Variants in PRSS12 observed in about 807,000 individuals in gnomAD.
The protein encoded by PRSS12 is serine protease 12.
A neutral mutation model predicts 104.4 loss-of-function variants in PRSS12; 85 were observed. The observed-to-expected ratio is 0.81, with a 90% CI of 0.68 to 0.98. PRSS12 has a LOEUF of 0.98. Among genes scored for constraint, PRSS12 ranks in the 50% least tolerant of loss-of-function variants. PRSS12 has a pLI of 0.00. For synonymous variants in PRSS12, 454 were observed against 425.2 expected (o/e 1.07, Z -0.83); for missense variants, 1,141 against 1,139.2 (o/e 1.00, Z -0.02).
chr4:118,310,329 C>T (rs963418195), intron 7 of PRSS12, among the ~76,000 whole-genome samples: 5 of 152,140 alleles, frequency 3.3e-5, no homozygotes, highest in Non-Finnish European at 7.4e-5. Flanking sequence ...TTTACAGGCA[C>T]ATTTTCATAT....
At chr4:118,308,863 A>G (rs1743628290) in intron 7 of PRSS12, among the ~76,000 whole-genome samples, 1 of 152,178 alleles carries the variant, frequency 6.6e-6, no homozygotes, top group African/African-American at 2.4e-5. Flanking sequence ...GAATGAATGA[A>G]CAGCATTATA....
intron 8 of PRSS12, among the ~76,000 whole-genome samples, chr4:118,305,073 C>G (rs996624913): frequency 6.6e-6 from 1 of 150,378 alleles, no homozygotes; most frequent in South Asian, 2.1e-4. Context: ...AAAAGATCCT[C>G]GGCACTAGTC....
intron 8 of PRSS12, 38 bp from the exon 9 acceptor site, chr4:118,298,976 T>A (rs760652602): frequency 3.1e-6 from 5 of 1,593,688 alleles, no homozygotes; most frequent in Middle Eastern, 1.7e-4. Flanking sequence ...GAAGAATCAG[T>A]CAGTCATATA....
intron 4 of PRSS12, among the ~76,000 whole-genome samples, chr4:118,320,169 T>C (rs958816136): frequency 6.6e-6 from 1 of 152,180 alleles, no homozygotes; most frequent in African/African-American, 2.4e-5. Context: ...TTTTAGACTA[T>C]AGCATTTATA....
intron 9 of PRSS12, 134 bp from the exon 10 acceptor site, chr4:118,295,990 T>A: frequency 1.3e-6 from 1 of 789,560 alleles, no homozygotes; most frequent in Non-Finnish European, 2.2e-6. Flanking sequence ...ATTTTTCTTG[T>A]AACAAAAATA....
Position 118,281,655 on chromosome 4 carries a change from ATGATTT to A in PRSS12, c.*275_*280del. The stretch of plus-strand genomic sequence containing the variant: ...TGATCTTTTGTAAAATCAGCATAGA[ATGATTT>A]TGAGAAATAGGTAGGGGATAGATGA... On this transcript the variant is annotated 3_prime_UTR_variant, in exon 13 of 13. Coordinates refer to ENST00000296498, the MANE Select transcript of PRSS12 (RefSeq NM_003619.4). 1 of 470,534 alleles carries A rather than the reference ATGATTT, an allele frequency of 2.1e-6. No homozygotes were observed. Among genetic ancestry groups the A allele is most frequent in the Non-Finnish European group, 3.9e-6 (1 of 256,926 alleles). The allele number at this position is 470,534 out of a possible 1,614,324, so 29.1% of individuals were successfully genotyped here.
At chr4:118,331,605 T>G in intron 4 of PRSS12, 111 bp downstream of exon 4, 1 of 1,410,548 alleles carries the variant, frequency 7.1e-7, no homozygotes, top group Non-Finnish European at 9.8e-7. Flanking sequence ...AAAAGGTAAC[T>G]TGTCCCATTT....
chr4:118,309,193 A>G (rs1743640243), intron 7 of PRSS12, among the ~76,000 whole-genome samples: 1 of 152,230 alleles, frequency 6.6e-6, no homozygotes, highest in South Asian at 2.1e-4. Flanking sequence ...TTACTGAGTT[A>G]AAAGTTGAGA....
intron 7 of PRSS12, among the ~76,000 whole-genome samples, chr4:118,312,140 A>G (rs1406864536): frequency 2.0e-5 from 3 of 152,216 alleles, no homozygotes; most frequent in African/African-American, 7.2e-5. Flanking sequence ...AGTGTCACCA[A>G]GCTCTCACAG....
intron 11 of PRSS12, among the ~76,000 whole-genome samples, chr4:118,287,397 G>A (rs2126026261): frequency 6.6e-6 from 1 of 152,280 alleles, no homozygotes; most frequent in South Asian, 2.1e-4. Context: ...CGATCTGCCT[G>A]CCTTGGCCTC....
chr4:118,305,360 CTT>C (rs1743520577), intron 8 of PRSS12, among the ~76,000 whole-genome samples: 1 of 151,894 alleles, frequency 6.6e-6, no homozygotes, highest in Admixed American at 6.6e-5. Flanking sequence ...ATTATAAAGT[CTT>C]TTGATGCTTT....
Position 118,352,796 on chromosome 4 carries a change from G to T in PRSS12, c.-76C>A. ...GAGCGGAGAAGAGGAGGGGGCGGGG[G>T]CGGGGCTGCCGCGTCCCTCGAATCC... On this transcript the variant is annotated 5_prime_UTR_variant, in exon 1 of 13. Transcript: ENST00000296498. 6.3e-7 allele frequency: 1 copy of T among 1,578,600 alleles called. No homozygotes were observed. Among genetic ancestry groups the T allele is most frequent in the South Asian group, 1.1e-5 (1 of 87,068 alleles).
In PRSS12 at chr4:118,290,822, G is replaced by GTC. The variant is rs574766837; in HGVS notation, c.2039+4115_2039+4116dup. Reference sequence around the variant, plus strand: ...TACCAGGCTCTACTGATTTCTAACAGTCTCTCTACCTTCACTCCCTCCTTT... The same window carrying GTC: ...TACCAGGCTCTACTGATTTCTAACAGTCTCTCTCTACCTTCACTCCCTCCTTT... On this transcript the variant is annotated intron_variant, in intron 11 of 12. Transcript: ENST00000296498. 1.5e-3 allele frequency among the ~76,000 whole-genome samples: 234 copies of GTC among 151,962 alleles called. 1 individual carries two copies. The highest frequency in any genetic ancestry group is 5.5e-3 in the African/African-American group (226 of 41,466).
chr4:118,352,543 G>A lies in PRSS12; in HGVS notation c.178C>T (p.Pro60Ser), dbSNP rs1724544258. 3.3e-6 allele frequency: 5 copies of A among 1,508,952 alleles called. No individual in the cohort carries two copies. Among genetic ancestry groups the A allele is most frequent in the Admixed American group, 2.1e-5 (1 of 46,812 alleles). 93.5% of individuals were successfully genotyped at this position (1,508,952 alleles called of 1,614,324 possible). The change falls in exon 1 of 13, where the codon CCG (proline) becomes TCG (serine). Residue 60 changes from proline (P) to serine (S), a missense_variant. Physicochemically the swap from Pro to Ser is moderately conservative, Grantham distance 74 (BLOSUM62 -1). Transcript: ENST00000296498. ...QQRPPRTRPP[P>S]PLPRFPRPPR... is the part of the protein sequence containing the mutation. ...GGGCGCGGGAAGCGCGGGAGAGGCG[G>A]CGGCGGACGCGTCCTCGGGGGCCGC...
chr4:118,307,295 G>C (rs777658913), intron 8 of PRSS12, among the ~76,000 whole-genome samples: 37 of 152,186 alleles, frequency 2.4e-4, no homozygotes, highest in Non-Finnish European at 4.3e-4. Context: ...GTAGTATCGA[G>C]TAACCAGAAA....
chr4:118,282,694 T>G, intron 12 of PRSS12, 137 bp downstream of exon 12: 1 of 1,135,076 alleles, frequency 8.8e-7, no homozygotes, highest in Non-Finnish European at 1.3e-6. Context: ...CTCAATTACA[T>G]GCATGCATTT....
rs149563852 is a variant in PRSS12, at chr4:118,322,482, G to A, written c.972-3926C>T. On this transcript the variant is annotated intron_variant, in intron 4 of 12. Coordinates refer to ENST00000296498, the MANE Select transcript of PRSS12 (RefSeq NM_003619.4). Reference sequence around the variant, plus strand: ...AATCACTCAAACCTTGGAGGTGGAGGTTGCAGTGAGCTGAGATTGCGCCAC... The same window carrying A: ...AATCACTCAAACCTTGGAGGTGGAGATTGCAGTGAGCTGAGATTGCGCCAC... Among the ~76,000 whole-genome samples the A allele has an allele frequency of 5.2e-3, 786 of 151,958 alleles. 13 individuals are homozygous for A. The highest frequency in any genetic ancestry group is 0.018 in the African/African-American group (742 of 41,426).
chr4:118,317,182 C>T (rs1723468309), intron 5 of PRSS12, among the ~76,000 whole-genome samples: 1 of 152,048 alleles, frequency 6.6e-6, no homozygotes, highest in African/African-American at 2.4e-5. Context: ...GAAGATATGT[C>T]TCGCCTTTGT....
At chr4:118,293,018 A>T (rs192162888) in intron 11 of PRSS12, among the ~76,000 whole-genome samples, 1 of 151,380 alleles carries the variant, frequency 6.6e-6, no homozygotes, top group Non-Finnish European at 1.5e-5. Context: ...CCATCTCAAA[A>T]AATAATAATA....
Sources: allele counts gnomAD v4.1 joint callset (sites outside exome capture counted in the v4.1 genomes callset), GRCh38; gene constraint gnomAD v4.1.1; transcripts MANE v1.5; gene names NCBI Gene and HGNC (gene_info 2026-07-23, HGNC 2026-07-21).